The following NOVA2 variants were observed in gnomAD, a reference collection of about 807,000 sequenced individuals.
The protein encoded by NOVA2 is NOVA alternative splicing regulator 2.
NOVA2 carries 9 observed loss-of-function variants against 22.5 expected under a neutral mutation model. The ratio of observed to expected loss-of-function variants is 0.40; its 90% CI spans 0.24 to 0.70. The LOEUF (loss-of-function observed/expected upper bound fraction) is 0.70, where lower values mean the gene tolerates loss of function less well. Ranked by LOEUF, NOVA2 falls within the 30% of genes least tolerant of loss-of-function variation. The probability of loss-of-function intolerance (pLI) is 0.38; values close to 1 mark genes in which losing one functional copy is unlikely to be tolerated. For missense variants in NOVA2, 383 were observed against 682.8 expected (o/e 0.56, Z 4.89); for synonymous variants, 318 against 335.2 (o/e 0.95, Z 0.56).
intron 1 of NOVA2, among the ~76,000 whole-genome samples, chr19:45,964,447 G>A (rs1051584383): frequency 6.7e-6 from 1 of 150,134 alleles, no homozygotes; most frequent in South Asian, 2.1e-4. Flanking sequence ...GCTAACATGT[G>A]CTGAGATTAC....
rs572213797 is a variant in NOVA2 at position 45,945,689 on chromosome 19, T to C, written c.397-4744A>G. On this transcript the variant is annotated intron_variant, in intron 3 of 3. Transcript: ENST00000263257. ...AAAAAGTCTTACGGGTGTAGATATG[T>C]CTATATGTGTATATATGAATATGAA... 5.3e-5 allele frequency among the ~76,000 whole-genome samples: 8 copies of C among 152,180 alleles called. No homozygotes were observed. In the South Asian group the frequency reaches 1.7e-3, roughly 32 times the overall value.
chr19:45,971,597 G>C (rs1361121074), intron 1 of NOVA2, among the ~76,000 whole-genome samples: 1 of 152,132 alleles, frequency 6.6e-6, no homozygotes, highest in Non-Finnish European at 1.5e-5. Flanking sequence ...GCTAGGATGG[G>C]AGGAAGAAAG....
At chr19:45,958,463 CGTGT>C (rs200749184) in intron 2 of NOVA2, among the ~76,000 whole-genome samples, 2 of 147,484 alleles carry the variant, frequency 1.4e-5, no homozygotes, top group Non-Finnish European at 3.0e-5. Context: ...TGTGTGTAAG[CGTGT>C]GTGTGAGTGG....
intron 2 of NOVA2, among the ~76,000 whole-genome samples, chr19:45,960,668 G>A (rs895113720): frequency 3.3e-5 from 5 of 152,070 alleles, no homozygotes; most frequent in African/African-American, 1.2e-4. Flanking sequence ...TGGCCCCCAA[G>A]CCCGGAGGGA....
At position 45,938,412 on chromosome 19, in the gene NOVA2, C is replaced by T. The variant is rs751641705; in HGVS notation, c.*1451G>A. The T allele has an allele frequency of 6.6e-6, 1 of 152,548 alleles. No homozygotes were observed. Among genetic ancestry groups the T allele is most frequent in the East Asian group, 1.9e-4 (1 of 5,174 alleles). 9.4% of individuals were successfully genotyped at this position (152,548 alleles called of 1,614,324 possible). ...AAGCCACCAAACCAATCTAACCTAT[C>T]AGACCACACGAAGCATTCTGGCCCA... On this transcript the variant is annotated 3_prime_UTR_variant, in exon 4 of 4. Coordinates refer to ENST00000263257, the MANE Select transcript of NOVA2 (RefSeq NM_002516.4).
At chr19:45,969,907 T>G (rs1236485497) in intron 1 of NOVA2, among the ~76,000 whole-genome samples, 1 of 152,146 alleles carries the variant, frequency 6.6e-6, no homozygotes, top group Non-Finnish European at 1.5e-5. Context: ...ACTTCTCCCA[T>G]CTGCTCCCAG....
chr19:45,962,796 G>A (rs1479447186), intron 1 of NOVA2, among the ~76,000 whole-genome samples: 1 of 151,908 alleles, frequency 6.6e-6, no homozygotes, highest in Non-Finnish European at 1.5e-5. Flanking sequence ...ACAGGCGCCC[G>A]CCACCACACG....
chr19:45,951,475 A>G (rs777059279), intron 3 of NOVA2, among the ~76,000 whole-genome samples: 2 of 152,016 alleles, frequency 1.3e-5, no homozygotes, highest in Non-Finnish European at 2.9e-5. Context: ...AAAATTAGCC[A>G]GGCATGGTAA....
intron 3 of NOVA2, among the ~76,000 whole-genome samples, chr19:45,941,281 G>T (rs1967752739): frequency 6.7e-6 from 1 of 148,514 alleles, no homozygotes; most frequent in Admixed American, 6.8e-5. Context: ...GTGACAGAGG[G>T]AGACCCTGTC....
intron 1 of NOVA2, among the ~76,000 whole-genome samples, chr19:45,961,699 T>C (rs1315216680): frequency 6.6e-6 from 1 of 152,114 alleles, no homozygotes; most frequent in East Asian, 1.9e-4. Context: ...TTCACACTTA[T>C]CCTATGAAGG....
In NOVA2 at chr19:45,961,003, G is replaced by A. The variant is rs778120772; in HGVS notation, c.229+7C>T. 6.4e-7 allele frequency: 1 copy of A among 1,569,938 alleles called. No homozygotes were observed. The highest frequency in any genetic ancestry group is 1.2e-5 in the South Asian group (1 of 85,434). On this transcript the variant is annotated splice_region_variant and intron_variant, in intron 2 of 3. Transcript: ENST00000263257. ...GGCCTAGGGCAGAGACCTGGGCCGGGGCTCACCGGGGTAGAAGTCTTTGGA... is the reference window on the plus strand; with the variant it reads ...GGCCTAGGGCAGAGACCTGGGCCGGAGCTCACCGGGGTAGAAGTCTTTGGA...
At chr19:45,964,341 G>A (rs1471667078) in intron 1 of NOVA2, among the ~76,000 whole-genome samples, 5 of 139,782 alleles carry the variant, frequency 3.6e-5, no homozygotes, top group South Asian at 2.5e-4. Context: ...AACCATGCCC[G>A]GCTAATTTGT....
chr19:45,951,618 CA>C (rs56350605), intron 3 of NOVA2, among the ~76,000 whole-genome samples: 97,435 of 131,118 alleles, frequency 0.74, 36,204 homozygotes, highest in Non-Finnish European at 0.84. Flanking sequence ...AACTCCGTTT[CA>C]AAAAAAAAAA....
chr19:45,949,069 A>G (rs1967884065), intron 3 of NOVA2, among the ~76,000 whole-genome samples: 1 of 152,210 alleles, frequency 6.6e-6, no homozygotes, highest in African/African-American at 2.4e-5. Context: ...TTTATATAAA[A>G]GATCCAGAAT....
intron 3 of NOVA2, among the ~76,000 whole-genome samples, chr19:45,942,198 G>A (rs1482021289): frequency 6.6e-6 from 1 of 152,172 alleles, no homozygotes; most frequent in Non-Finnish European, 1.5e-5. Flanking sequence ...TGTTGAAGGC[G>A]TAACTTCCAG....
intron 1 of NOVA2, among the ~76,000 whole-genome samples, chr19:45,963,829 C>T (rs1968130890): frequency 6.6e-6 from 1 of 152,066 alleles, no homozygotes; most frequent in Admixed American, 6.6e-5. Context: ...CGCGCCCGGG[C>T]CCCCTCAGTC....
intron 1 of NOVA2, among the ~76,000 whole-genome samples, chr19:45,972,163 C>T (rs1320169202): frequency 6.6e-6 from 1 of 151,684 alleles, no homozygotes; most frequent in African/African-American, 2.4e-5. Flanking sequence ...CACATGGGGA[C>T]CCATCCTTCC....
At chr19:45,959,821 GGAGAGAGA>G (rs146270704) in intron 2 of NOVA2, among the ~76,000 whole-genome samples, 4 of 136,650 alleles carry the variant, frequency 2.9e-5, no homozygotes, top group African/African-American at 7.9e-5. Context: ...AGACAGAGAG[GGAGAGAGA>G]GAGAGAGAGA....
At position 45,973,362 on chromosome 19, in the gene NOVA2, TG is replaced by T; in HGVS notation, c.-12del. 6.2e-6 allele frequency: 6 copies of T among 972,408 alleles called. No individual in the cohort carries two copies. Among genetic ancestry groups the T allele is most frequent in the Non-Finnish European group, 7.8e-6 (6 of 764,940 alleles). 60.2% of individuals were successfully genotyped at this position (972,408 alleles called of 1,614,324 possible). On this transcript the variant is annotated 5_prime_UTR_variant, in exon 1 of 4. Coordinates refer to ENST00000263257, the MANE Select transcript of NOVA2 (RefSeq NM_002516.4). ...GGCCTCGGGCTCCATGGGGGGGGCC[TG>T]GGGCGGCGGCTGCTGCTGCTGCGGC... is the stretch of plus-strand genomic sequence containing the variant.
Sources: gnomAD v4.1 joint callset for allele counts (sites outside exome capture counted in the v4.1 genomes callset) on GRCh38, gnomAD v4.1.1 for gene constraint, MANE v1.5 for transcripts, NCBI Gene and HGNC (gene_info 2026-07-23, HGNC 2026-07-21) for gene names.